The following CPNE4 variants were observed in gnomAD, a reference collection of about 807,000 sequenced individuals.
CPNE4 encodes copine-4.
CPNE4 carries 25 observed loss-of-function variants against 67.9 expected under a neutral mutation model. The ratio of observed to expected loss-of-function variants is 0.37; its 90% confidence interval spans 0.27 to 0.51. The LOEUF (loss-of-function observed/expected upper bound fraction) is 0.51. CPNE4 is among the 20% of genes least tolerant of loss of function. The pLI, the probability that CPNE4 is intolerant of heterozygous loss-of-function variation, is 0.93. For missense variants in CPNE4, 464 were observed against 690.8 expected (o/e 0.67, Z 3.68); for synonymous variants, 242 against 244.9 (o/e 0.99, Z 0.11).
chr3:131,811,316 G>T (rs1185760291), intron 2 of CPNE4, among the ~76,000 whole-genome samples: 1 of 152,018 alleles, frequency 6.6e-6, no homozygotes, highest in African/African-American at 2.4e-5. Context: ...CAAACTCATG[G>T]AATTGTATAC....
At chr3:131,988,690 C>T (rs1055198638) in intron 1 of CPNE4, among the ~76,000 whole-genome samples, 3 of 152,214 alleles carry the variant, frequency 2.0e-5, no homozygotes, top group African/African-American at 4.8e-5. Flanking sequence ...TTATTGTTTC[C>T]GTATTCTCCA....
At chr3:131,990,831 C>T (rs1424286561) in intron 1 of CPNE4, among the ~76,000 whole-genome samples, 1 of 135,764 alleles carries the variant, frequency 7.4e-6, no homozygotes, top group African/African-American at 2.5e-5. Flanking sequence ...CCATAATCCC[C>T]ATGTGTCATG....
chr3:131,587,781 G>A (rs1938283608), intron 7 of CPNE4, among the ~76,000 whole-genome samples, 199 bp from the exon 8 acceptor site: 5 of 152,176 alleles, frequency 3.3e-5, no homozygotes, highest in Admixed American at 3.3e-4. Flanking sequence ...ATCTGCAAAT[G>A]GCCCTGTGAT....
chr3:131,973,052 T>A (rs1346418904), intron 1 of CPNE4, among the ~76,000 whole-genome samples: 1 of 152,174 alleles, frequency 6.6e-6, no homozygotes, highest in Non-Finnish European at 1.5e-5. Context: ...TTAACTCACC[T>A]TTTTGGCCCT....
At chr3:131,933,743 A>G (rs182898639) in intron 1 of CPNE4, among the ~76,000 whole-genome samples, 248 of 151,990 alleles carry the variant, frequency 1.6e-3, no homozygotes, top group Non-Finnish European at 2.6e-3. Context: ...ATATTAATGA[A>G]CCTGGAGGAC....
intron 2 of CPNE4, among the ~76,000 whole-genome samples, chr3:131,833,563 G>T (rs2085454191): frequency 6.6e-6 from 1 of 152,146 alleles, no homozygotes; most frequent in Admixed American, 6.5e-5. Flanking sequence ...GGGTGTGGTG[G>T]CATGTGCCTG....
intron 1 of CPNE4, among the ~76,000 whole-genome samples, chr3:132,021,376 GAAT>G (rs1158028355): frequency 6.6e-6 from 1 of 151,674 alleles, no homozygotes; most frequent in Non-Finnish European, 1.5e-5. Context: ...TCATATTTCA[GAAT>G]AATAGTCCTT....
At chr3:131,639,295 T>C (rs2079477681) in intron 7 of CPNE4, among the ~76,000 whole-genome samples, 1 of 151,862 alleles carries the variant, frequency 6.6e-6, no homozygotes, top group Non-Finnish European at 1.5e-5. Context: ...AGAAAAAAGA[T>C]CCAAATAAGC....
intron 5 of CPNE4, 65 bp from the exon 6 acceptor site, chr3:131,686,023 G>T: frequency 2.3e-6 from 2 of 874,744 alleles, no homozygotes; most frequent in South Asian, 1.6e-5. Flanking sequence ...TGATCAATCA[G>T]GAATATTTAA....
chr3:132,021,639 T>G (rs1423315064), intron 1 of CPNE4, among the ~76,000 whole-genome samples: 1 of 152,204 alleles, frequency 6.6e-6, no homozygotes, highest in Non-Finnish European at 1.5e-5. Context: ...ATACTGAAAT[T>G]GACACATGTG....
intron 1 of CPNE4, among the ~76,000 whole-genome samples, chr3:131,978,104 T>C (rs1264587561): frequency 1.5e-5 from 1 of 66,852 alleles, no homozygotes; most frequent in Non-Finnish European, 2.3e-5. Flanking sequence ...TATATAAATA[T>C]ATATAAAATA....
intron 2 of CPNE4, among the ~76,000 whole-genome samples, chr3:131,821,709 C>T (rs189146610): frequency 5.3e-5 from 8 of 152,236 alleles, no homozygotes; most frequent in South Asian, 2.1e-4. Flanking sequence ...TAGCTGTGCA[C>T]GACAATGTAA....
intron 2 of CPNE4, among the ~76,000 whole-genome samples, chr3:131,728,899 CAAAAAA>C (rs34269107): frequency 1.3e-3 from 113 of 89,972 alleles, no homozygotes; most frequent in African/African-American, 5.0e-3. Flanking sequence ...AACAGAGCCT[CAAAAAA>C]AAAAAAAAAA....
chr3:131,928,305 A>G (rs1303145950), intron 1 of CPNE4, among the ~76,000 whole-genome samples: 1 of 127,126 alleles, frequency 7.9e-6, no homozygotes, highest in Non-Finnish European at 1.8e-5. Flanking sequence ...AATTTACAAC[A>G]GTCCTCTTTT....
In CPNE4 at chr3:131,988,024, T is replaced by C. The variant is rs77161970; in HGVS notation, c.-2+46543A>G. ...TAGTTAGTGTGATACATTTATTCAT[T>C]AATTACAAATACCATAGTGAGTCTC... On this transcript the variant is annotated intron_variant, in intron 1 of 15. Transcript: ENST00000429747. Among the ~76,000 whole-genome samples the C allele has an allele frequency of 2.0e-3, 300 of 152,294 alleles. 3 individuals carry two copies. Among genetic ancestry groups the C allele is most frequent in the South Asian group, 0.018 (85 of 4,826 alleles).
intron 1 of CPNE4, among the ~76,000 whole-genome samples, chr3:131,923,651 G>A (rs149573667): frequency 9.7e-4 from 128 of 132,600 alleles, no homozygotes; most frequent in Middle Eastern, 9.5e-3. Flanking sequence ...GCTGCAGTGA[G>A]CCGAGATTAT....
chr3:131,586,148 GCA>G (rs59390606), intron 8 of CPNE4, among the ~76,000 whole-genome samples: 4,946 of 152,210 alleles, frequency 0.032, 145 homozygotes, highest in African/African-American at 0.085. Flanking sequence ...ATCAGAACAG[GCA>G]CAGAGTATTA....
At chr3:131,976,948 C>T (rs1027665525) in intron 1 of CPNE4, among the ~76,000 whole-genome samples, 2 of 152,026 alleles carry the variant, frequency 1.3e-5, no homozygotes, top group South Asian at 4.2e-4. Context: ...ATTACAGGCA[C>T]ACACCACCAT....
chr3:131,605,738 A>G (rs777214422), intron 7 of CPNE4, among the ~76,000 whole-genome samples: 5 of 152,266 alleles, frequency 3.3e-5, no homozygotes, highest in South Asian at 2.1e-4. Flanking sequence ...AGAAAAAACT[A>G]TAAGTCTCAA....
Sources: allele counts gnomAD v4.1 joint callset (sites outside exome capture counted in the v4.1 genomes callset), GRCh38; gene constraint gnomAD v4.1.1; transcripts MANE v1.5; gene names NCBI Gene and HGNC (gene_info 2026-07-23, HGNC 2026-07-21).